The following PTK2 variants were observed in gnomAD, a reference collection of about 807,000 sequenced individuals.
PTK2 encodes the protein protein tyrosine kinase 2.
Under a neutral mutation model 150.1 loss-of-function variants are expected in PTK2, and 45 were observed. The ratio of observed to expected loss-of-function variants is 0.30; its 90% CI spans 0.24 to 0.38. The LOEUF is 0.38. PTK2 is among the 10% of genes least tolerant of loss of function. PTK2 has a pLI of 1.00. For missense variants in PTK2, 919 were observed against 1,307.3 expected (o/e 0.70, Z 4.58); for synonymous variants, 432 against 449.2 (o/e 0.96, Z 0.48).
chr8:140,848,384 C>G (rs1276316360), intron 5 of PTK2, among the ~76,000 whole-genome samples: 1 of 152,230 alleles, frequency 6.6e-6, no homozygotes, highest in Non-Finnish European at 1.5e-5. Context: ...GACTATTCGT[C>G]TCAAAACCTT....
chr8:140,665,408 C>T (rs1378878303), intron 30 of PTK2, among the ~76,000 whole-genome samples: 2 of 152,064 alleles, frequency 1.3e-5, no homozygotes, highest in Non-Finnish European at 2.9e-5. Context: ...TGTTCTCACC[C>T]AGGTACTTTC....
intron 2 of PTK2, among the ~76,000 whole-genome samples, chr8:140,915,165 T>C (rs1258218691): frequency 6.6e-6 from 1 of 150,432 alleles, no homozygotes; most frequent in African/African-American, 2.5e-5. Flanking sequence ...ACCAAAGAAG[T>C]AAATAAATAA....
chr8:140,714,328 C>G (rs964214461), intron 23 of PTK2, among the ~76,000 whole-genome samples: 1 of 152,046 alleles, frequency 6.6e-6, no homozygotes, highest in Non-Finnish European at 1.5e-5. Flanking sequence ...CAAAATTTAT[C>G]TACAGAAGCC....
intron 1 of PTK2, among the ~76,000 whole-genome samples, chr8:140,992,607 G>C (rs928172508): frequency 6.6e-6 from 1 of 152,206 alleles, no homozygotes; most frequent in African/African-American, 2.4e-5. Flanking sequence ...TCACTACTCT[G>C]AAAACCACTG....
At chr8:140,779,945 G>T (rs978841853) in intron 14 of PTK2, among the ~76,000 whole-genome samples, 2 of 152,072 alleles carry the variant, frequency 1.3e-5, no homozygotes, top group Admixed American at 6.5e-5. Context: ...ACCTGGGGTG[G>T]TCATGGGGGA....
At chr8:140,902,940 T>TG (rs1568516877) in intron 2 of PTK2, among the ~76,000 whole-genome samples, 5 of 136,614 alleles carry the variant, frequency 3.7e-5, no homozygotes, top group African/African-American at 7.9e-5. Context: ...TTTTTTTTTT[T>TG]TTTTTTTTTT....
chr8:140,728,672 A>C (rs1200953986), intron 22 of PTK2, among the ~76,000 whole-genome samples: 1 of 152,068 alleles, frequency 6.6e-6, no homozygotes, highest in Non-Finnish European at 1.5e-5. Flanking sequence ...GGCATCTGCC[A>C]CCACGCCCGG....
rs189716567 is a variant in PTK2 at position 140,990,113 on chromosome 8, C to A, written c.-122+11012G>T. Among the ~76,000 whole-genome samples, 21 of 152,166 alleles carry A rather than the reference C, an allele frequency of 1.4e-4. No homozygotes were observed. The East Asian group carries it at 3.5e-3, about 25-fold the overall frequency. Reference sequence around the variant, plus strand: ...TTTTAGTGACAAGTAACAGAAGAATCACTTATTTACTAACATTTCCTGAAA... The same window carrying A: ...TTTTAGTGACAAGTAACAGAAGAATAACTTATTTACTAACATTTCCTGAAA... On this transcript the variant is annotated intron_variant, in intron 1 of 31. Coordinates refer to ENST00000522684, the Ensembl canonical transcript of PTK2.
chr8:140,677,593 T>A (rs1224633018), intron 27 of PTK2, among the ~76,000 whole-genome samples: 1 of 152,216 alleles, frequency 6.6e-6, no homozygotes, highest in Non-Finnish European at 1.5e-5. Flanking sequence ...TACTTTCTAT[T>A]GAAAAGAGAT....
chr8:140,806,749 A>T (rs1345119008), intron 10 of PTK2, among the ~76,000 whole-genome samples: 1 of 152,180 alleles, frequency 6.6e-6, no homozygotes, highest in Non-Finnish European at 1.5e-5. Context: ...GTATTGTGCT[A>T]AACTTTAAGA....
chr8:140,814,828 G>C (rs1348343314), intron 10 of PTK2, among the ~76,000 whole-genome samples: 1 of 150,436 alleles, frequency 6.6e-6, no homozygotes, highest in African/African-American at 2.5e-5. Context: ...AGGCTGGAGT[G>C]CAATGACGAA....
chr8:140,962,249 AAGGG>A (rs2100183492), intron 1 of PTK2, among the ~76,000 whole-genome samples: 1 of 137,344 alleles, frequency 7.3e-6, no homozygotes, highest in South Asian at 2.7e-4. Context: ...GGAAGAAAGG[AAGGG>A]AGGAAGGGAA....
intron 1 of PTK2, among the ~76,000 whole-genome samples, chr8:141,000,124 CA>C (rs2100199477): frequency 6.8e-6 from 1 of 147,730 alleles, no homozygotes; most frequent in African/African-American, 2.6e-5. Context: ...CACACACACA[CA>C]CCCCTTCTTC....
At chr8:140,827,670 T>C (rs1375698962) in intron 8 of PTK2, among the ~76,000 whole-genome samples, 1 of 152,154 alleles carries the variant, frequency 6.6e-6, no homozygotes, top group Non-Finnish European at 1.5e-5. Flanking sequence ...GTACTCAGTG[T>C]TCAGAAAGTG....
chr8:140,959,292 A>C (rs2100182250), intron 1 of PTK2, among the ~76,000 whole-genome samples: 2 of 151,970 alleles, frequency 1.3e-5, no homozygotes, highest in Non-Finnish European at 2.9e-5. Flanking sequence ...GCACTTTGGG[A>C]GGCCAAGGAG....
chr8:140,769,560 G>T lies in PTK2; in HGVS notation c.1178-5270C>A. 1 of 1,349,376 alleles carries T rather than the reference G, an allele frequency of 7.4e-7. No homozygotes were observed. The highest frequency in any genetic ancestry group is 9.8e-7 in the Non-Finnish European group (1 of 1,016,758). 83.6% of individuals were successfully genotyped at this position (1,349,376 alleles called of 1,614,324 possible). ...TATCTCATAGCAGTAACACAAATGT[G>T]AAAATAAATATTACCGTCCCCACTA... is the stretch of plus-strand genomic sequence containing the variant. On this transcript the variant is annotated intron_variant, in intron 14 of 31. Transcript: ENST00000522684.
chr8:140,839,755 A>T (rs2100121182), intron 7 of PTK2, among the ~76,000 whole-genome samples: 1 of 152,208 alleles, frequency 6.6e-6, no homozygotes, highest in Non-Finnish European at 1.5e-5. Context: ...GATCAGAAAT[A>T]TATCTGTTGA....
chr8:140,896,933 T>C (rs1317888128), intron 2 of PTK2, among the ~76,000 whole-genome samples: 1 of 151,992 alleles, frequency 6.6e-6, no homozygotes, highest in African/African-American at 2.4e-5. Context: ...CTGGAATAAA[T>C]AAATAAATGT....
chr8:140,885,605 G>C (rs1201435082), intron 3 of PTK2, among the ~76,000 whole-genome samples: 1 of 152,198 alleles, frequency 6.6e-6, no homozygotes. Flanking sequence ...GGCAGGCAGA[G>C]TTAGTAAGGG....
Sources: gnomAD v4.1 joint callset for allele counts (sites outside exome capture counted in the v4.1 genomes callset) on GRCh38, gnomAD v4.1.1 for gene constraint, MANE v1.5 for transcripts, NCBI Gene and HGNC (gene_info 2026-07-23, HGNC 2026-07-21) for gene names.